FRYL: variants seen among roughly 807,000 people sequenced by gnomAD.
The protein encoded by FRYL is FRY like transcription coactivator.
A neutral mutation model predicts 351.2 loss-of-function variants in FRYL; 150 were observed. That is an observed-to-expected ratio of 0.43 (90% CI 0.37 to 0.49). The LOEUF is 0.49. FRYL is among the 20% of genes least tolerant of loss of function. The pLI, the probability that FRYL is intolerant of heterozygous loss-of-function variation, is 0.00. For missense variants in FRYL, 3,036 were observed against 3,619.3 expected, an observed-to-expected ratio of 0.84 and a Z score of 4.13; for synonymous variants, 1,153 against 1,257.1, an observed-to-expected ratio of 0.92 and a Z score of 1.75.
At chr4:48,659,139 C>T (rs1009825908) in intron 3 of FRYL, among the ~76,000 whole-genome samples, 4 of 151,946 alleles carry the variant, frequency 2.6e-5, no homozygotes, top group African/African-American at 9.6e-5. Context: ...TTGCTTGAGG[C>T]CAGGAGATCA....
intron 3 of FRYL, among the ~76,000 whole-genome samples, chr4:48,648,861 T>G (rs1278784467): frequency 1.3e-5 from 2 of 152,208 alleles, no homozygotes; most frequent in Non-Finnish European, 2.9e-5. Context: ...GAGGTTTCTT[T>G]TTTAGATAAT....
intron 2 of FRYL, among the ~76,000 whole-genome samples, chr4:48,694,022 G>C (rs908766178): frequency 2.6e-5 from 4 of 151,994 alleles, no homozygotes; most frequent in Non-Finnish European, 5.9e-5. Context: ...AGGAAGACCA[G>C]CATAATGAAA....
chr4:48,768,646 T>C (rs1024560199), intron 1 of FRYL, among the ~76,000 whole-genome samples: 12 of 151,808 alleles, frequency 7.9e-5, no homozygotes, highest in Non-Finnish European at 1.3e-4. Context: ...CTACTAAAAA[T>C]ACAAAAATTA....
intron 2 of FRYL, among the ~76,000 whole-genome samples, chr4:48,705,387 C>T (rs1767215690): frequency 6.6e-6 from 1 of 150,816 alleles, no homozygotes; most frequent in African/African-American, 2.4e-5. Flanking sequence ...AACTATGGCA[C>T]ATTCACCCAA....
At chr4:48,633,747 C>G (rs1339707017) in intron 4 of FRYL, among the ~76,000 whole-genome samples, 1 of 152,164 alleles carries the variant, frequency 6.6e-6, no homozygotes, top group African/African-American at 2.4e-5. Flanking sequence ...CACCATAGTT[C>G]AAGACCCCTT....
In FRYL at chr4:48,627,496, C is replaced by T. The variant is rs191327579; in HGVS notation, c.121-4317G>A. On this transcript the variant is annotated intron_variant, in intron 4 of 63. Transcript: ENST00000358350. ...TTTGTTTCATAACAAATCCATACTT[C>T]CTGAAAGATTTCTGAAGATTTGACA... is the stretch of plus-strand genomic sequence containing the variant. Among the ~76,000 whole-genome samples, 7 of 152,212 alleles carry T rather than the reference C, an allele frequency of 4.6e-5. No homozygotes were observed. The East Asian group carries it at 1.3e-3, about 29-fold the overall frequency.
chr4:48,575,380 G>A, intron 24 of FRYL, 139 bp from the exon 25 acceptor site: 1 of 866,778 alleles, frequency 1.2e-6, no homozygotes, highest in Non-Finnish European at 1.8e-6. Context: ...AATTTCACCT[G>A]GGGTGTACAT....
intron 47 of FRYL, among the ~76,000 whole-genome samples, chr4:48,537,246 T>G (rs1450574376): frequency 6.6e-6 from 1 of 152,186 alleles, no homozygotes; most frequent in Non-Finnish European, 1.5e-5. Context: ...TTAAAAAACT[T>G]ATTTTTTGAA....
intron 2 of FRYL, among the ~76,000 whole-genome samples, chr4:48,697,961 G>A (rs913202533): frequency 3.9e-5 from 6 of 152,144 alleles, no homozygotes; most frequent in African/African-American, 1.4e-4. Context: ...TTGATGTTGA[G>A]GCATTTCCAC....
rs1049466499 is a variant in FRYL at position 48,499,176 on chromosome 4, C to T, written c.*246G>A. The T allele has an allele frequency of 2.1e-5, 9 of 428,696 alleles. No homozygotes were observed. Among genetic ancestry groups the T allele is most frequent in the Admixed American group, 1.6e-4 (4 of 25,516 alleles). The allele number at this position is 428,696 out of a possible 1,614,324, so 26.6% of individuals were successfully genotyped here. A position where few individuals can be genotyped will look rare whatever the true frequency, so the allele number is the denominator to read the frequency against. On this transcript the variant is annotated 3_prime_UTR_variant, in exon 64 of 64. Coordinates refer to ENST00000358350, the MANE Select transcript of FRYL (RefSeq NM_015030.2). ...ATCACTTTTAGCCCTTTTCTTTTCA[C>T]GTAGGTTAAGTAATTAAAAAATTCC... is the stretch of plus-strand genomic sequence containing the variant.
chr4:48,676,402 A>C (rs1763684465), intron 3 of FRYL, among the ~76,000 whole-genome samples: 1 of 152,106 alleles, frequency 6.6e-6, no homozygotes, highest in Non-Finnish European at 1.5e-5. Flanking sequence ...CAGACGCACC[A>C]TCTTAAGAGC....
In FRYL at chr4:48,531,366, A is replaced by T; in HGVS notation, c.6706-13T>A. The T allele has an allele frequency of 6.3e-7, 1 of 1,581,408 alleles. No homozygotes were observed. The highest frequency in any genetic ancestry group is 8.7e-7 in the Non-Finnish European group (1 of 1,152,246). On this transcript the variant is annotated splice_polypyrimidine_tract_variant and intron_variant, in intron 49 of 63. Coordinates refer to ENST00000358350, the MANE Select transcript of FRYL (RefSeq NM_015030.2). ...TCCAGTAAGGACTCTGGTTTAAAAA[A>T]TAATTGACACGTAAAAGTTACAAAT... is the stretch of plus-strand genomic sequence containing the variant.
At chr4:48,555,714 G>A (rs899985456) in intron 35 of FRYL, among the ~76,000 whole-genome samples, 6 of 152,168 alleles carry the variant, frequency 3.9e-5, no homozygotes, top group African/African-American at 1.4e-4. Context: ...GTAACGTGCG[G>A]TAACGTTGTC....
intron 2 of FRYL, among the ~76,000 whole-genome samples, chr4:48,697,798 T>C (rs993814510): frequency 1.3e-5 from 2 of 152,014 alleles, no homozygotes; most frequent in African/African-American, 4.8e-5. Context: ...CATAGAGAAG[T>C]ACTTAAAGAA....
intron 1 of FRYL, among the ~76,000 whole-genome samples, chr4:48,764,014 T>A (rs190919174): frequency 6.6e-5 from 10 of 151,720 alleles, no homozygotes; most frequent in Admixed American, 6.6e-4. Context: ...ACTAAAAATA[T>A]AAAAATTAAG....
chr4:48,684,086 G>C (rs1369282947), intron 3 of FRYL, among the ~76,000 whole-genome samples: 1 of 152,176 alleles, frequency 6.6e-6, no homozygotes, highest in Non-Finnish European at 1.5e-5. Context: ...GAGAGAGCAA[G>C]GGGTTAAGGT....
Position 48,633,580 on chromosome 4 carries a change from A to C in FRYL, c.120+711T>G, listed in dbSNP as rs1465305054. On this transcript the variant is annotated intron_variant, in intron 4 of 63. Transcript: ENST00000358350. ...ACCCAAAGATATTCCTGTGTACTTT[A>C]CCAAAGTAAATATATTATCATCTTT... 5.9e-5 allele frequency among the ~76,000 whole-genome samples: 9 copies of C among 152,216 alleles called. No individual in the cohort carries two copies. The South Asian group carries it at 1.2e-3, about 21-fold the overall frequency.
At chr4:48,691,610 T>G (rs1765687798) in intron 2 of FRYL, among the ~76,000 whole-genome samples, 1 of 152,166 alleles carries the variant, frequency 6.6e-6, no homozygotes, top group Non-Finnish European at 1.5e-5. Context: ...GCTTAAACAG[T>G]GCTTGACACA....
chr4:48,616,895 TG>T lies in FRYL; in HGVS notation c.411+2378del, dbSNP rs565431001. ...TAGATATATTACATTGTTTACTCTCTGGATCTATTAAACCTCATGTTATTCT... is the reference window on the plus strand; with the variant it reads ...TAGATATATTACATTGTTTACTCTCTGATCTATTAAACCTCATGTTATTCT... On this transcript the variant is annotated intron_variant, in intron 7 of 63. Coordinates refer to ENST00000358350, the MANE Select transcript of FRYL (RefSeq NM_015030.2). 9.2e-5 allele frequency among the ~76,000 whole-genome samples: 14 copies of T among 152,318 alleles called. 1 individual carries two copies. The East Asian group carries it at 2.3e-3, about 25-fold the overall frequency.
Sources: allele counts gnomAD v4.1 joint callset (sites outside exome capture counted in the v4.1 genomes callset), GRCh38; gene constraint gnomAD v4.1.1; transcripts MANE v1.5; gene names NCBI Gene and HGNC (gene_info 2026-07-23, HGNC 2026-07-21).